MPPED2: variants seen among roughly 807,000 people sequenced by gnomAD.
The protein encoded by MPPED2 is metallophosphoesterase MPPED2.
A neutral mutation model predicts 33.0 loss-of-function variants in MPPED2; 5 were observed. The observed-to-expected ratio is 0.15, with a 90% CI of 0.08 to 0.32. The LOEUF is 0.32. MPPED2 is among the 10% of genes least tolerant of loss of function. The pLI is 1.00. For synonymous variants in MPPED2, 136 were observed against 141.9 expected (o/e 0.96, Z 0.29); for missense variants, 275 against 372.1 (o/e 0.74, Z 2.15).
At chr11:30,559,998 G>C (rs1011467960) in intron 2 of MPPED2, among the ~76,000 whole-genome samples, 1 of 152,160 alleles carries the variant, frequency 6.6e-6, no homozygotes, top group Non-Finnish European at 1.5e-5. Context: ...ATGTTTTGTG[G>C]GTAACCACAC....
At chr11:30,514,692 G>A (rs899667167) in intron 3 of MPPED2, among the ~76,000 whole-genome samples, 23 of 152,146 alleles carry the variant, frequency 1.5e-4, no homozygotes, top group African/African-American at 5.3e-4. Context: ...ATTATAATTT[G>A]ATTTGCTGCC....
intron 4 of MPPED2, among the ~76,000 whole-genome samples, chr11:30,488,312 G>C (rs1244628640): frequency 1.3e-5 from 2 of 152,182 alleles, no homozygotes; most frequent in Non-Finnish European, 2.9e-5. Flanking sequence ...ATTTATTATT[G>C]TTGTTTGCCA....
At chr11:30,477,272 C>A (rs1221476327) in intron 4 of MPPED2, among the ~76,000 whole-genome samples, 1 of 151,964 alleles carries the variant, frequency 6.6e-6, no homozygotes, top group African/African-American at 2.4e-5. Flanking sequence ...TGGTAAATAG[C>A]AGTATCAATC....
intron 4 of MPPED2, among the ~76,000 whole-genome samples, chr11:30,465,666 C>G (rs1950678336): frequency 6.6e-6 from 1 of 152,046 alleles, no homozygotes. Flanking sequence ...CAAATGTAGC[C>G]CTAATTTGTG....
At chr11:30,443,498 G>A (rs577128871) in intron 4 of MPPED2, among the ~76,000 whole-genome samples, 1 of 152,120 alleles carries the variant, frequency 6.6e-6, no homozygotes, top group Non-Finnish European at 1.5e-5. Flanking sequence ...AGGGGAGGGA[G>A]AGAAAGAGAG....
chr11:30,532,125 C>G (rs1954560183), intron 3 of MPPED2, among the ~76,000 whole-genome samples: 1 of 152,238 alleles, frequency 6.6e-6, no homozygotes. Flanking sequence ...ACATGTAATG[C>G]AGGGGTACAG....
chr11:30,384,808 A>T (rs1947685390), exon 7 of MPPED2: 1 of 152,176 alleles, frequency 6.6e-6, no homozygotes, highest in Non-Finnish European at 1.5e-5. Flanking sequence ...ATATGACAAG[A>T]TGAAACTGAG....
intron 4 of MPPED2, among the ~76,000 whole-genome samples, chr11:30,484,103 A>G (rs1477000891): frequency 2.6e-5 from 4 of 152,238 alleles, no homozygotes; most frequent in Non-Finnish European, 4.4e-5. Flanking sequence ...ATTTACATGA[A>G]ATTTTAGCAC....
intron 4 of MPPED2, among the ~76,000 whole-genome samples, chr11:30,494,769 G>C (rs374630232): frequency 5.6e-5 from 7 of 124,108 alleles, no homozygotes; most frequent in Non-Finnish European, 8.6e-5. Flanking sequence ...AAGAAAGAAA[G>C]AAAGAAAGAA....
intron 4 of MPPED2, among the ~76,000 whole-genome samples, chr11:30,427,048 C>T (rs1052944777): frequency 6.6e-6 from 1 of 152,170 alleles, no homozygotes; most frequent in African/African-American, 2.4e-5. Flanking sequence ...CTGCCAAGTA[C>T]TCAGGAAACT....
At chr11:30,549,094 A>G (rs1955579922) in intron 2 of MPPED2, among the ~76,000 whole-genome samples, 1 of 152,366 alleles carries the variant, frequency 6.6e-6, no homozygotes, top group African/African-American at 2.4e-5. Context: ...CACATTTTAT[A>G]CAGATCGAAC....
At position 30,459,127 on chromosome 11, in the gene MPPED2, G is replaced by GT. The variant is rs562453206; in HGVS notation, c.536+36168dup. Among the ~76,000 whole-genome samples the GT allele has an allele frequency of 1.2e-3, 174 of 151,218 alleles. 3 individuals are homozygous for GT. The highest frequency in any genetic ancestry group is 3.7e-3 in the African/African-American group (154 of 41,242). The stretch of plus-strand genomic sequence containing the variant: ...TTTTTAGTAGAGACGGGGTTTCACC[G>GT]TTTTTTAGCCGGGATGGTCTCGATC... On this transcript the variant is annotated intron_variant, in intron 4 of 6. Coordinates refer to ENST00000358117, the MANE Select transcript of MPPED2 (RefSeq NM_001584.3).
In MPPED2 at chr11:30,410,424, A is replaced by G; in HGVS notation, c.*1044T>C. ...GTGCTAGCGAAGATTGCATCGACAC[A>G]CAGTGCAAAATGGGAGAGGGGAGAG... On this transcript the variant is annotated 3_prime_UTR_variant, in exon 7 of 7. Transcript: ENST00000358117. 1 of 984,056 alleles carries G rather than the reference A, an allele frequency of 1.0e-6. No homozygotes were observed. Among genetic ancestry groups the G allele is most frequent in the Non-Finnish European group, 1.2e-6 (1 of 829,084 alleles). 61.0% of individuals were successfully genotyped at this position (984,056 alleles called of 1,614,324 possible). A position where few individuals can be genotyped will look rare whatever the true frequency, so the allele number is the denominator to read the frequency against.
rs145723046 is a variant in MPPED2, at chr11:30,507,859, A to C, written c.311-12338T>G. Among the ~76,000 whole-genome samples, 1,124 of 152,324 alleles carry C rather than the reference A, an allele frequency of 7.4e-3. 5 individuals are homozygous for C. Among genetic ancestry groups the C allele is most frequent in the Non-Finnish European group, 0.012 (809 of 68,028 alleles). On this transcript the variant is annotated intron_variant, in intron 3 of 6. Transcript: ENST00000358117. ...GCCTCCCGCTGGTATGAAGCAGTAAAAAGTACGTAGTATAATTCCTCAGGA... is the reference window on the plus strand; with the variant it reads ...GCCTCCCGCTGGTATGAAGCAGTAACAAGTACGTAGTATAATTCCTCAGGA...
intron 2 of MPPED2, among the ~76,000 whole-genome samples, chr11:30,565,380 G>C (rs914936656): frequency 6.6e-6 from 1 of 152,046 alleles, no homozygotes; most frequent in African/African-American, 2.4e-5. Context: ...TTTAAAGAAA[G>C]ATTTTCATAT....
chr11:30,436,455 G>T (rs1949331352), intron 4 of MPPED2, among the ~76,000 whole-genome samples: 1 of 152,112 alleles, frequency 6.6e-6, no homozygotes, highest in South Asian at 2.1e-4. Flanking sequence ...ACTGTTGCCG[G>T]GGTTAAGAGC....
At chr11:30,416,841 A>T (rs1948385858) in intron 5 of MPPED2, among the ~76,000 whole-genome samples, 1 of 152,212 alleles carries the variant, frequency 6.6e-6, no homozygotes, top group African/African-American at 2.4e-5. Flanking sequence ...CCAACAGATA[A>T]CAAGTTCGTG....
intron 4 of MPPED2, among the ~76,000 whole-genome samples, chr11:30,476,634 G>T (rs1951214545): frequency 6.6e-6 from 1 of 151,778 alleles, no homozygotes; most frequent in Non-Finnish European, 1.5e-5. Flanking sequence ...ACTTTGTTTT[G>T]AATAATCAAA....
exon 7 of MPPED2, chr11:30,386,635 G>T: frequency 2.5e-6 from 1 of 398,236 alleles, no homozygotes. Flanking sequence ...CTAGCACAGA[G>T]CTGGGGTTCA....
Sources: gnomAD v4.1 joint callset for allele counts (sites outside exome capture counted in the v4.1 genomes callset) on GRCh38, gnomAD v4.1.1 for gene constraint, MANE v1.5 for transcripts, NCBI Gene and HGNC (gene_info 2026-07-23, HGNC 2026-07-21) for gene names.